Variants in WDPCP observed in about 807,000 individuals in gnomAD.
WDPCP encodes the protein WD repeat containing planar cell polarity effector.
Under a neutral mutation model 93.1 loss-of-function variants are expected in WDPCP, and 71 were observed. The ratio of observed to expected loss-of-function variants is 0.76; its 90% CI spans 0.63 to 0.93. The LOEUF is 0.93. Among genes scored for constraint, WDPCP ranks in the 40% least tolerant of loss-of-function variants. The pLI is 0.00. For missense variants in WDPCP, 844 were observed against 887.4 expected (o/e 0.95, Z 0.62); for synonymous variants, 315 against 315.0 (o/e 1.00, Z 0.00).
chr2:63,523,003 A>T (rs942915586), intron 1 of WDPCP, among the ~76,000 whole-genome samples: 1 of 152,156 alleles, frequency 6.6e-6, no homozygotes. Context: ...AGACACACAC[A>T]AAAAAGAAAA....
intron 12 of WDPCP, among the ~76,000 whole-genome samples, chr2:63,364,951 T>C (rs1199383391): frequency 6.6e-6 from 1 of 152,150 alleles, no homozygotes; most frequent in African/African-American, 2.4e-5. Context: ...GCCATTATAG[T>C]ATGAAAGCAG....
chr2:63,253,211 T>C (rs1243450696), intron 14 of WDPCP, among the ~76,000 whole-genome samples: 1 of 151,862 alleles, frequency 6.6e-6, no homozygotes, highest in Non-Finnish European at 1.5e-5. Flanking sequence ...GCCATATCTT[T>C]TCACCATATA....
chr2:63,323,935 C>T (rs1421598367), intron 12 of WDPCP, among the ~76,000 whole-genome samples: 1 of 151,994 alleles, frequency 6.6e-6, no homozygotes, highest in Non-Finnish European at 1.5e-5. Flanking sequence ...ACAAAACAAA[C>T]CAAAACCACA....
chr2:63,790,969 T>A (rs1047672793), intron 2 of WDPCP, among the ~76,000 whole-genome samples: 5 of 152,190 alleles, frequency 3.3e-5, no homozygotes, highest in African/African-American at 1.2e-4. Context: ...GACTCTTTTT[T>A]AAAAATTCAG....
intron 12 of WDPCP, among the ~76,000 whole-genome samples, chr2:63,329,068 A>G (rs189107684): frequency 7.9e-5 from 12 of 152,304 alleles, no homozygotes; most frequent in African/African-American, 1.9e-4. Flanking sequence ...GATGTACCCT[A>G]TTAGCAAATT....
intron 10 of WDPCP, among the ~76,000 whole-genome samples, chr2:63,391,863 C>A (rs1693280806): frequency 2.0e-5 from 3 of 152,090 alleles, no homozygotes; most frequent in African/African-American, 7.2e-5. Flanking sequence ...GAACTAGAAA[C>A]CACTGCTCAA....
chr2:63,599,032 T>C (rs1399191496), intron 3 of WDPCP: 8 of 613,838 alleles, frequency 1.3e-5, no homozygotes, highest in Non-Finnish European at 2.0e-5. Flanking sequence ...TGCATTTTCC[T>C]ATGCTATATT....
In WDPCP at chr2:63,433,915, C is replaced by T. The variant is rs761312526; in HGVS notation, c.655G>A (p.Gly219Ser). 2.3e-5 allele frequency: 37 copies of T among 1,613,396 alleles called. 1 individual carries two copies. In the Admixed American group the frequency reaches 3.8e-4, roughly 17 times the overall value. ...DYKIFYYEIPGPINKTTERHL... is the reference protein window; with the variant it reads ...DYKIFYYEIPSPINKTTERHL... ...CGCTCTGTTGTCTTGTTTATTGGGC[C>T]GGGTATTTCATAATAGAAAATCTAA... The change falls in exon 9 of 18, where the codon GGC becomes AGC. Residue 219 changes from glycine to serine, a missense_variant. Coordinates refer to ENST00000272321, the MANE Select transcript of WDPCP (RefSeq NM_015910.7).
chr2:63,823,197 C>A (rs1295198583), intron 1 of WDPCP, among the ~76,000 whole-genome samples: 2 of 140,752 alleles, frequency 1.4e-5, no homozygotes, highest in Non-Finnish European at 3.2e-5. Context: ...AAAAGTTTCA[C>A]CCAAAAAAAA....
At chr2:63,421,195 C>G (rs1695832985) in intron 9 of WDPCP, among the ~76,000 whole-genome samples, 1 of 151,986 alleles carries the variant, frequency 6.6e-6, no homozygotes, top group Non-Finnish European at 1.5e-5. Context: ...CATTTGTATA[C>G]AGGATAAATA....
At chr2:63,486,508 T>C (rs376033626) in intron 4 of WDPCP, 34 bp downstream of exon 4, 2 of 1,536,702 alleles carry the variant, frequency 1.3e-6, no homozygotes, top group Non-Finnish European at 1.8e-6. Context: ...TTTACAGTTT[T>C]ATAATAATTC....
At chr2:63,357,054 G>A (rs1690069221) in intron 12 of WDPCP, among the ~76,000 whole-genome samples, 1 of 152,174 alleles carries the variant, frequency 6.6e-6, no homozygotes, top group African/African-American at 2.4e-5. Context: ...ATGGTGCTGG[G>A]ATAACTGGCT....
At chr2:63,196,479 T>C (rs1028510363) in intron 14 of WDPCP, among the ~76,000 whole-genome samples, 4 of 152,144 alleles carry the variant, frequency 2.6e-5, no homozygotes, top group Non-Finnish European at 4.4e-5. Context: ...GAAAGACATA[T>C]CCATAGACTA....
chr2:63,483,412 A>G (rs1700384037), intron 6 of WDPCP, among the ~76,000 whole-genome samples: 1 of 151,378 alleles, frequency 6.6e-6, no homozygotes, highest in Admixed American at 6.6e-5. Context: ...TTTAAGAAGT[A>G]TTATAATTCT....
At chr2:63,624,873 A>G (rs1479427191) in intron 3 of WDPCP, among the ~76,000 whole-genome samples, 1 of 152,140 alleles carries the variant, frequency 6.6e-6, no homozygotes, top group Non-Finnish European at 1.5e-5. Flanking sequence ...CAGAGACAAC[A>G]AAAAAAGAAA....
chr2:63,457,926 C>A (rs767664114), intron 6 of WDPCP, among the ~76,000 whole-genome samples: 7 of 152,148 alleles, frequency 4.6e-5, no homozygotes, highest in Non-Finnish European at 8.8e-5. Context: ...GAGATCAAGA[C>A]CATCTTGGCC....
chr2:63,202,642 A>T (rs1480484727), intron 14 of WDPCP, among the ~76,000 whole-genome samples: 3 of 152,102 alleles, frequency 2.0e-5, no homozygotes, highest in African/African-American at 7.2e-5. Flanking sequence ...TTGCTGTGTT[A>T]TTAGGAGATT....
chr2:63,521,466 A>G (rs2106162456), intron 1 of WDPCP, among the ~76,000 whole-genome samples: 1 of 152,308 alleles, frequency 6.6e-6, no homozygotes, highest in South Asian at 2.1e-4. Flanking sequence ...AAAGAAGGGC[A>G]TTACATAATG....
chr2:63,793,343 C>T (rs765038115), intron 2 of WDPCP, among the ~76,000 whole-genome samples: 1 of 152,154 alleles, frequency 6.6e-6, no homozygotes, highest in African/African-American at 2.4e-5. Context: ...CATGGTGGCT[C>T]ACACCTGTAG....
Sources: allele counts gnomAD v4.1 joint callset (sites outside exome capture counted in the v4.1 genomes callset), GRCh38; gene constraint gnomAD v4.1.1; transcripts MANE v1.5; gene names NCBI Gene and HGNC (gene_info 2026-07-23, HGNC 2026-07-21).